Variants in RUSC2 observed in about 807,000 individuals in gnomAD.
RUSC2 encodes the protein AP-4 complex accessory subunit RUSC2.
In RUSC2, 34 loss-of-function variants were observed where a neutral mutation model predicts 122.2. The observed-to-expected ratio is 0.28, with a 90% CI of 0.21 to 0.37. The LOEUF (loss-of-function observed/expected upper bound fraction) is 0.37. Among genes scored for constraint, RUSC2 ranks in the 10% least tolerant of loss-of-function variants. The pLI is 1.00. For synonymous variants in RUSC2, 784 were observed against 790.0 expected, an observed-to-expected ratio of 0.99 and a Z score of 0.13; for missense variants, 1,747 against 1,952.4, an observed-to-expected ratio of 0.89 and a Z score of 1.98.
In RUSC2 at chr9:35,548,395, C is replaced by G; in HGVS notation, c.1874C>G (p.Pro625Arg). ...TGGTCCACCCAGGTCTGTCAGGGACCCCACTCCAGTGAGATGCCTCCTGCT... is the reference window on the plus strand; with the variant it reads ...TGGTCCACCCAGGTCTGTCAGGGACGCCACTCCAGTGAGATGCCTCCTGCT... ...PPWSTQVCQG[P>R]HSSEMPPAGL... is the part of the protein sequence containing the mutation. Residue 625 changes from proline (P) to arginine (R), a missense_variant, in exon 2 of 12, where the codon CCC (proline) becomes CGC (arginine). Pro to Arg is a moderately radical substitution (Grantham distance 103). Coordinates refer to ENST00000361226, the MANE Select transcript of RUSC2 (RefSeq NM_014806.5). This position sits in a 1 kb window ranked among gnomAD's most constrained non-coding sequence, Gnocchi z 4.5. The G allele has an allele frequency of 6.2e-7, 1 of 1,614,060 alleles. No homozygotes were observed. The highest frequency in any genetic ancestry group is 1.7e-5 in the Admixed American group (1 of 60,028).
At chr9:35,559,372 G>C (rs4879906) in intron 9 of RUSC2, 100 bp downstream of exon 9, 5 of 1,018,980 alleles carry the variant, frequency 4.9e-6, no homozygotes. Context: ...GGTGGGGAGG[G>C]GGACCACACA....
chr9:35,497,442 G>A (rs1820740413), intron 1 of RUSC2, among the ~76,000 whole-genome samples: 1 of 152,020 alleles, frequency 6.6e-6, no homozygotes, highest in South Asian at 2.1e-4. Context: ...TGTTCCATGG[G>A]TCAACAACTC....
chr9:35,555,020 GTGTC>G lies in RUSC2; in HGVS notation c.2015-34_2015-31del, dbSNP rs771822501. ...TGGGTTTTCTCTCATATGGGTTTCA[GTGTC>G]TGTCTACTGATTTCTTCTCCATCCC... On this transcript the variant is annotated intron_variant, in intron 2 of 11. Transcript: ENST00000361226. The surrounding 1 kb of genome is among the most constrained non-coding windows in gnomAD (Gnocchi z 4.6). 206 of 1,603,682 alleles carry G rather than the reference GTGTC, an allele frequency of 1.3e-4. No individual in the cohort carries two copies. In the East Asian group the frequency reaches 4.5e-3, roughly 35 times the overall value.
chr9:35,521,539 C>T (rs533191590), intron 1 of RUSC2, among the ~76,000 whole-genome samples: 173 of 152,298 alleles, frequency 1.1e-3, no homozygotes, highest in African/African-American at 4.0e-3. Flanking sequence ...GAGCCTTGGG[C>T]GCCTGGGGTC....
intron 1 of RUSC2, among the ~76,000 whole-genome samples, chr9:35,524,729 T>A (rs1384410022): frequency 6.6e-6 from 1 of 152,118 alleles, no homozygotes; most frequent in South Asian, 2.1e-4. Context: ...CCCAGCACTT[T>A]GGGAGGCCGA....
intron 1 of RUSC2, among the ~76,000 whole-genome samples, chr9:35,494,425 C>T (rs1486001487): frequency 2.0e-5 from 3 of 152,124 alleles, no homozygotes; most frequent in African/African-American, 7.2e-5. Context: ...GCTCATGCCC[C>T]TGCACTCCAG....
chr9:35,516,019 A>AG (rs1425432512), intron 1 of RUSC2, among the ~76,000 whole-genome samples: 1 of 149,908 alleles, frequency 6.7e-6, no homozygotes, highest in Non-Finnish European at 1.5e-5. Flanking sequence ...AAAAAAAAAA[A>AG]AAAAGAGAAA....
At chr9:35,521,023 T>C (rs141862430) in intron 1 of RUSC2, among the ~76,000 whole-genome samples, 264 of 152,240 alleles carry the variant, frequency 1.7e-3, no homozygotes, top group African/African-American at 6.1e-3. Context: ...TTACAACAAA[T>C]TCCCAGTCTC....
At chr9:35,532,483 GC>G in intron 1 of RUSC2, among the ~76,000 whole-genome samples, 1 of 152,204 alleles carries the variant, frequency 6.6e-6, no homozygotes, top group Non-Finnish European at 1.5e-5. Flanking sequence ...GATGGCACAT[GC>G]CTATAATCTC....
rs1188702189 is a variant in RUSC2, at chr9:35,560,841, C to T, written c.4201C>T (p.Pro1401Ser). ...GSRKAQREAR[P>S]TNRLPSDWLS... ...CCGAAAAGCCCAGCGGGAGGCCCGG[C>T]CCACAAATAGGTGAGAGCCTGCCCA... Residue 1401 changes from proline to serine, a missense_variant, in exon 10 of 12, where the codon CCC becomes TCC. Pro to Ser is a moderately conservative substitution (Grantham distance 74, BLOSUM62 -1). Transcript: ENST00000361226. 4 of 1,534,308 alleles carry T rather than the reference C, an allele frequency of 2.6e-6. No homozygotes were observed. In the Admixed American group the frequency reaches 6.3e-5, roughly 24 times the overall value.
intron 1 of RUSC2, among the ~76,000 whole-genome samples, chr9:35,514,701 G>A (rs978963059): frequency 2.6e-5 from 4 of 152,110 alleles, no homozygotes; most frequent in African/African-American, 7.2e-5. Context: ...CATCAGCAAC[G>A]GAAGTACAGA....
At position 35,558,434 on chromosome 9, in the gene RUSC2, G is replaced by C; in HGVS notation, c.3236-28G>C. 3.7e-6 allele frequency: 6 copies of C among 1,613,982 alleles called. No homozygotes were observed. The highest frequency in any genetic ancestry group is 5.1e-6 in the Non-Finnish European group (6 of 1,179,852). On this transcript the variant is annotated intron_variant, in intron 7 of 11. Transcript: ENST00000361226. The surrounding 1 kb of genome is among the most constrained non-coding windows in gnomAD (Gnocchi z 4.3). ...ATTTAGGGCTCCAGAAATTGGTCATGTGACCTGCAACCCTGGCTTCCTCCC... is the reference window on the plus strand; with the variant it reads ...ATTTAGGGCTCCAGAAATTGGTCATCTGACCTGCAACCCTGGCTTCCTCCC...
At chr9:35,540,093 A>G (rs1019152760) in intron 1 of RUSC2, among the ~76,000 whole-genome samples, 4 of 152,138 alleles carry the variant, frequency 2.6e-5, no homozygotes, top group African/African-American at 9.7e-5. Context: ...GAGTTCCCTA[A>G]ATTCCCATTT....
intron 1 of RUSC2, among the ~76,000 whole-genome samples, chr9:35,533,108 A>C (rs1018548949): frequency 3.9e-5 from 6 of 151,926 alleles, no homozygotes; most frequent in African/African-American, 1.2e-4. Flanking sequence ...TTAGCCAAGC[A>C]TAGTGGCGCA....
At chr9:35,545,240 A>G (rs778610655) in intron 1 of RUSC2, among the ~76,000 whole-genome samples, 14 of 152,240 alleles carry the variant, frequency 9.2e-5, no homozygotes, top group Non-Finnish European at 1.8e-4. Context: ...TAAATGATGA[A>G]TAAGAGAAAG....
At chr9:35,556,513 T>C in intron 5 of RUSC2, 65 bp downstream of exon 5, 1 of 1,570,590 alleles carries the variant, frequency 6.4e-7, no homozygotes, top group Non-Finnish European at 8.6e-7. Context: ...CTTGCCCTAC[T>C]ACCTAGCCAG....
At chr9:35,532,370 T>G (rs577590743) in intron 1 of RUSC2, among the ~76,000 whole-genome samples, 1 of 152,322 alleles carries the variant, frequency 6.6e-6, no homozygotes, top group East Asian at 1.9e-4. Context: ...AAATTTGCAT[T>G]TAAATATGGG....
chr9:35,534,458 A>AC (rs57220039), intron 1 of RUSC2, among the ~76,000 whole-genome samples: 7 of 143,438 alleles, frequency 4.9e-5, no homozygotes, highest in Admixed American at 7.1e-5. Context: ...ACACACACAC[A>AC]ATCCTTTGCT....
Position 35,558,402 on chromosome 9 carries a change from G to A in RUSC2, c.3235+31G>A. 1 of 1,613,958 alleles carries A rather than the reference G, an allele frequency of 6.2e-7. No homozygotes were observed. Among genetic ancestry groups the A allele is most frequent in the Non-Finnish European group, 8.5e-7 (1 of 1,179,866 alleles). On this transcript the variant is annotated intron_variant, in intron 7 of 11. Coordinates refer to ENST00000361226, the MANE Select transcript of RUSC2 (RefSeq NM_014806.5). This position sits in a 1 kb window ranked among gnomAD's most constrained non-coding sequence, Gnocchi z 4.3. ...TGCTGGGTGCCAAGACGGGGACCCA[G>A]GGCTGAATTTAGGGCTCCAGAAATT...
Sources: allele counts gnomAD v4.1 joint callset (sites outside exome capture counted in the v4.1 genomes callset), GRCh38; gene constraint gnomAD v4.1.1; non-coding constraint Gnocchi (gnomAD v3.1); transcripts MANE v1.5; gene names NCBI Gene and HGNC (gene_info 2026-07-23, HGNC 2026-07-21).